The following DACH2 variants were observed in gnomAD, a reference collection of about 807,000 sequenced individuals.
DACH2 encodes the protein dachshund homolog 2.
In DACH2, 17 loss-of-function variants were observed where a neutral mutation model predicts 35.8. That is an observed-to-expected ratio of 0.48 (90% CI 0.33 to 0.71). The LOEUF (loss-of-function observed/expected upper bound fraction) is 0.71. Ranked by LOEUF, DACH2 falls within the 30% of genes least tolerant of loss-of-function variation. The pLI is 0.02. For synonymous variants in DACH2, 195 were observed against 177.3 expected, an observed-to-expected ratio of 1.10 and a Z score of -0.79; for missense variants, 469 against 472.7, an observed-to-expected ratio of 0.99 and a Z score of 0.07.
chrX:86,258,188 C>A (rs1350964332), intron 1 of DACH2, among the ~76,000 whole-genome samples: 1 of 111,892 alleles, frequency 8.9e-6, no homozygotes. Context: ...TCCTCACCAT[C>A]ATACAATTCT....
At chrX:86,638,213 C>T (rs1018245388) in intron 3 of DACH2, among the ~76,000 whole-genome samples, 1 of 111,375 alleles carries the variant, frequency 9.0e-6, no homozygotes, top group Non-Finnish European at 1.9e-5. Context: ...TACCATATGC[C>T]GAAGAATGAA....
intron 2 of DACH2, among the ~76,000 whole-genome samples, chrX:86,474,931 A>G (rs1355101747): frequency 2.7e-5 from 3 of 111,012 alleles, no homozygotes; most frequent in Non-Finnish European, 5.7e-5. Flanking sequence ...ACAGAGTTTC[A>G]CGATGTTGGC....
chrX:86,592,923 G>T (rs1168039619), intron 3 of DACH2, among the ~76,000 whole-genome samples: 1 of 111,528 alleles, frequency 9.0e-6, no homozygotes, highest in Non-Finnish European at 1.9e-5. Context: ...ATTTTATTTG[G>T]GATCAGCTGT....
At chrX:86,393,930 G>T (rs1602470133) in intron 2 of DACH2, among the ~76,000 whole-genome samples, 1 of 101,618 alleles carries the variant, frequency 9.8e-6, no homozygotes, top group Non-Finnish European at 2.0e-5. Flanking sequence ...CTTAATAAAT[G>T]GTAGCTATTT....
intron 1 of DACH2, among the ~76,000 whole-genome samples, chrX:86,158,846 G>A (rs955663921): frequency 1.9e-5 from 2 of 103,647 alleles, no homozygotes; most frequent in African/African-American, 3.7e-5. Flanking sequence ...TTCAGTCTTC[G>A]GAATTATACC....
chrX:86,401,375 C>A (rs1485530892), intron 2 of DACH2, among the ~76,000 whole-genome samples: 1 of 112,011 alleles, frequency 8.9e-6, no homozygotes, highest in African/African-American at 3.2e-5. Flanking sequence ...CGGTGCACTG[C>A]ACCCACTGTC....
chrX:86,598,583 T>C (rs938776243), intron 3 of DACH2, among the ~76,000 whole-genome samples: 29 of 111,224 alleles, frequency 2.6e-4, no homozygotes, highest in Middle Eastern at 4.7e-3. Context: ...GGAGAGAAAT[T>C]GCTCTCCTTT....
At chrX:86,635,341 A>T (rs1028066345) in intron 3 of DACH2, among the ~76,000 whole-genome samples, 2 of 109,299 alleles carry the variant, frequency 1.8e-5, no homozygotes, top group East Asian at 5.7e-4. Flanking sequence ...AAAAAAAAAA[A>T]AAAAAACCTC....
intron 2 of DACH2, among the ~76,000 whole-genome samples, chrX:86,398,504 C>T (rs2036348874): frequency 1.8e-5 from 2 of 111,915 alleles, no homozygotes; most frequent in South Asian, 3.7e-4. Context: ...TTAGATCTTT[C>T]CTGCTTTCTC....
At chrX:86,654,057 C>T (rs189822556) in intron 4 of DACH2, among the ~76,000 whole-genome samples, 2 of 108,496 alleles carry the variant, frequency 1.8e-5, no homozygotes, top group African/African-American at 6.7e-5. Context: ...TGATGGATCC[C>T]GACATGATTT....
chrX:86,727,673 C>T (rs957144146), intron 6 of DACH2, among the ~76,000 whole-genome samples: 9 of 110,362 alleles, frequency 8.2e-5, no homozygotes, highest in South Asian at 3.9e-4. Context: ...GGGTGTGGCA[C>T]GTGCCCCATC....
intron 3 of DACH2, among the ~76,000 whole-genome samples, chrX:86,549,973 T>C (rs770717379): frequency 8.9e-6 from 1 of 111,804 alleles, no homozygotes; most frequent in East Asian, 2.8e-4. Context: ...TGAAGACTGT[T>C]ATTTATCAAT....
At chrX:86,231,631 G>A (rs2032950451) in intron 1 of DACH2, among the ~76,000 whole-genome samples, 1 of 111,917 alleles carries the variant, frequency 8.9e-6, no homozygotes, top group Non-Finnish European at 1.9e-5. Context: ...CAGGTGGAGG[G>A]CAGGCTTAAA....
intron 2 of DACH2, among the ~76,000 whole-genome samples, chrX:86,442,366 T>C (rs1324364486): frequency 9.8e-6 from 1 of 101,944 alleles, no homozygotes; most frequent in African/African-American, 3.5e-5. Flanking sequence ...TGTGTGTGTG[T>C]GTGTGTGTGT....
chrX:86,693,159 C>T (rs971061525), intron 4 of DACH2, among the ~76,000 whole-genome samples: 1 of 112,074 alleles, frequency 8.9e-6, no homozygotes. Context: ...ACATAGCAGA[C>T]CTCAACATGA....
chrX:86,525,091 C>A (rs1302955614), intron 3 of DACH2, among the ~76,000 whole-genome samples: 1 of 111,387 alleles, frequency 9.0e-6, no homozygotes, highest in Non-Finnish European at 1.9e-5. Flanking sequence ...TACTCTAAAT[C>A]TCAGAGACAA....
At chrX:86,637,937 A>G (rs186661132) in intron 3 of DACH2, among the ~76,000 whole-genome samples, 4,072 of 111,909 alleles carry the variant, frequency 0.036, 182 homozygotes, top group African/African-American at 0.12. Flanking sequence ...GGAACCAAAA[A>G]GGAGCCTGAA....
intron 1 of DACH2, among the ~76,000 whole-genome samples, chrX:86,323,621 T>C (rs915514271): frequency 5.4e-5 from 6 of 111,781 alleles, no homozygotes; most frequent in Admixed American, 2.8e-4. Flanking sequence ...TGACAACCAG[T>C]CGGGCATAGG....
intron 2 of DACH2, among the ~76,000 whole-genome samples, chrX:86,421,638 C>A (rs555163466): frequency 2.7e-5 from 3 of 111,436 alleles, no homozygotes; most frequent in African/African-American, 9.7e-5. Flanking sequence ...GGGAATTTTT[C>A]CATAGAATAT....
Sources: gnomAD v4.1 joint callset for allele counts (sites outside exome capture counted in the v4.1 genomes callset) on GRCh38, gnomAD v4.1.1 for gene constraint, MANE v1.5 for transcripts, NCBI Gene and HGNC (gene_info 2026-07-23, HGNC 2026-07-21) for gene names.